Variants in CRACD observed in about 807,000 individuals in gnomAD.
CRACD encodes capping protein inhibiting regulator of actin dynamics, also known as capping protein-inhibiting regulator of actin dynamics.
Under a neutral mutation model 106.8 loss-of-function variants are expected in CRACD, and 56 were observed. The ratio of observed to expected loss-of-function variants is 0.52; its 90% CI spans 0.42 to 0.66. The LOEUF (loss-of-function observed/expected upper bound fraction) is 0.66, where lower values mean the gene tolerates loss of function less well. Ranked by LOEUF, CRACD falls within the 30% of genes least tolerant of loss-of-function variation. The probability of loss-of-function intolerance (pLI) is 0.00; values close to 1 mark genes in which losing one functional copy is unlikely to be tolerated. For missense variants in CRACD, 1,730 were observed against 1,623.2 expected (o/e 1.07, Z -1.13); for synonymous variants, 754 against 670.8 (o/e 1.12, Z -1.92).
intron 2 of CRACD, among the ~76,000 whole-genome samples, chr4:56,254,396 GGGT>G (rs56868791): frequency 0.41 from 36,477 of 89,434 alleles, 5,111 homozygotes; most frequent in Middle Eastern, 0.53. Context: ...AGTTTTGTGG[GGGT>G]TTTTTTTTTT....
chr4:56,060,387 C>T (rs896350615), intron 1 of CRACD, among the ~76,000 whole-genome samples: 2 of 151,910 alleles, frequency 1.3e-5, no homozygotes, highest in East Asian at 1.9e-4. Flanking sequence ...AGTGAATACT[C>T]GTAACAGGGT....
At chr4:56,261,787 G>C (rs1741722925) in intron 2 of CRACD, among the ~76,000 whole-genome samples, 1 of 152,166 alleles carries the variant, frequency 6.6e-6, no homozygotes, top group Admixed American at 6.5e-5. Flanking sequence ...GGGGAGGAGA[G>C]GATAAGAAAC....
intron 1 of CRACD, among the ~76,000 whole-genome samples, chr4:56,091,398 CAG>C (rs1354463333): frequency 2.7e-5 from 4 of 149,380 alleles, no homozygotes; most frequent in African/African-American, 5.0e-5. Flanking sequence ...GCATATGTAA[CAG>C]GGGGACCTCA....
chr4:56,165,907 C>T (rs192287077), intron 1 of CRACD, among the ~76,000 whole-genome samples: 7 of 152,308 alleles, frequency 4.6e-5, no homozygotes, highest in Admixed American at 3.9e-4. Context: ...GTTGCCCAGC[C>T]TGCAGTGTAG....
At chr4:56,153,696 C>G (rs1050985567) in intron 1 of CRACD, among the ~76,000 whole-genome samples, 3 of 152,222 alleles carry the variant, frequency 2.0e-5, no homozygotes, top group South Asian at 2.1e-4. Flanking sequence ...CATGATCTGA[C>G]TTGTATTTCG....
At chr4:56,212,903 A>G (rs1738478831) in intron 2 of CRACD, among the ~76,000 whole-genome samples, 1 of 152,182 alleles carries the variant, frequency 6.6e-6, no homozygotes, top group Admixed American at 6.5e-5. Context: ...TTCTGTCATG[A>G]CTTCCAAACC....
At chr4:56,072,696 G>A (rs1244394252) in intron 1 of CRACD, among the ~76,000 whole-genome samples, 1 of 151,884 alleles carries the variant, frequency 6.6e-6, no homozygotes, top group Non-Finnish European at 1.5e-5. Flanking sequence ...ATAGTGGTTT[G>A]CTGCACCCAT....
At chr4:56,178,209 C>T (rs1736667227) in intron 1 of CRACD, among the ~76,000 whole-genome samples, 1 of 152,130 alleles carries the variant, frequency 6.6e-6, no homozygotes, top group South Asian at 2.1e-4. Context: ...TAAACCGAGG[C>T]AGAATGTTGA....
chr4:56,155,261 C>G (rs1469935206), intron 1 of CRACD, among the ~76,000 whole-genome samples: 1 of 152,172 alleles, frequency 6.6e-6, no homozygotes, highest in African/African-American at 2.4e-5. Flanking sequence ...AGTGGACACA[C>G]AGTGGCTCCT....
chr4:56,261,240 C>A (rs916315623), intron 2 of CRACD, among the ~76,000 whole-genome samples: 4 of 151,996 alleles, frequency 2.6e-5, no homozygotes, highest in Non-Finnish European at 5.9e-5. Context: ...CAAGCGGTGG[C>A]GGAAACCGGC....
At chr4:56,072,141 A>G (rs963893765) in intron 1 of CRACD, among the ~76,000 whole-genome samples, 7 of 151,494 alleles carry the variant, frequency 4.6e-5, no homozygotes, top group African/African-American at 7.3e-5. Context: ...AAAAAAAAAA[A>G]AAAGAAAAGT....
intron 2 of CRACD, among the ~76,000 whole-genome samples, chr4:56,255,247 T>C (rs906285049): frequency 1.3e-5 from 2 of 152,164 alleles, no homozygotes; most frequent in African/African-American, 4.8e-5. Flanking sequence ...TCATGATTTC[T>C]AGCTGTCTAA....
At chr4:56,100,835 C>A (rs1205824425) in intron 1 of CRACD, among the ~76,000 whole-genome samples, 1 of 152,180 alleles carries the variant, frequency 6.6e-6, no homozygotes, top group Non-Finnish European at 1.5e-5. Context: ...GTTTAAGCCA[C>A]CCAGTTTGTG....
At chr4:56,250,382 A>G (rs1281786842) in intron 2 of CRACD, among the ~76,000 whole-genome samples, 1 of 152,210 alleles carries the variant, frequency 6.6e-6, no homozygotes, top group Non-Finnish European at 1.5e-5. Context: ...TGCTTTATAT[A>G]CCATATCTAA....
chr4:56,307,511 T>C (rs1351084802), intron 4 of CRACD, 24 bp from the exon 5 acceptor site: 16 of 1,612,960 alleles, frequency 9.9e-6, no homozygotes, highest in Non-Finnish European at 1.4e-5. Flanking sequence ...TGCTTCAGAA[T>C]GTCTTTCTTC....
rs1284012188 is a variant in CRACD at position 56,130,101 on chromosome 4, T to TTGCCCAAG, written c.-335-49183_-335-49182insTGCCCAAG. ...GCTTGGGCAACATGGCGAGACCCCG[T>TTGCCCAAG]CTCTACAAAAAATACAAAAATTAGC... On this transcript the variant is annotated intron_variant, in intron 1 of 10. Coordinates refer to ENST00000682029, the MANE Select transcript of CRACD (RefSeq NM_001393381.1). Among the ~76,000 whole-genome samples the TTGCCCAAG allele has an allele frequency of 2.6e-5, 4 of 152,070 alleles. No individual in the cohort carries two copies. The East Asian group carries it at 7.7e-4, about 29-fold the overall frequency.
chr4:56,062,453 T>TA (rs1294696263), intron 1 of CRACD, among the ~76,000 whole-genome samples: 1 of 152,222 alleles, frequency 6.6e-6, no homozygotes, highest in Non-Finnish European at 1.5e-5. Context: ...TCCCTGGTGA[T>TA]ACGAAATGGT....
chr4:56,245,612 G>T (rs527363067), intron 2 of CRACD, among the ~76,000 whole-genome samples: 2 of 152,310 alleles, frequency 1.3e-5, no homozygotes, highest in African/African-American at 4.8e-5. Context: ...TTTCTAAGGA[G>T]TGTTGCACTA....
intron 1 of CRACD, among the ~76,000 whole-genome samples, chr4:56,170,945 G>T (rs750163281): frequency 1.1e-4 from 17 of 152,132 alleles, no homozygotes; most frequent in Non-Finnish European, 2.5e-4. Flanking sequence ...TAATGTTTAG[G>T]GTTCAACAGA....
Sources: gnomAD v4.1 joint callset for allele counts (sites outside exome capture counted in the v4.1 genomes callset) on GRCh38, gnomAD v4.1.1 for gene constraint, MANE v1.5 for transcripts, NCBI Gene and HGNC (gene_info 2026-07-23, HGNC 2026-07-21) for gene names.